Variants in CCDC171 observed in about 807,000 individuals in gnomAD.
The protein encoded by CCDC171 is coiled-coil domain containing 171.
CCDC171 carries 177 observed loss-of-function variants against 168.2 expected under a neutral mutation model. The ratio of observed to expected loss-of-function variants is 1.05; its 90% CI spans 0.93 to 1.19. The LOEUF is 1.19. Ranked by LOEUF, CCDC171 falls within the 50% of genes most tolerant of loss-of-function variation. The pLI, the probability that CCDC171 is intolerant of heterozygous loss-of-function variation, is 0.00. For missense variants in CCDC171, 1,991 were observed against 1,539.0 expected (o/e 1.29, Z -4.91); for synonymous variants, 687 against 540.8 (o/e 1.27, Z -3.75).
rs1215054615 is a variant in CCDC171 at position 15,563,297 on chromosome 9, C to G, written c.-111-681C>G. On this transcript the variant is annotated intron_variant, in intron 1 of 25. Coordinates refer to ENST00000380701, the MANE Select transcript of CCDC171 (RefSeq NM_173550.4). ...GGGATTACAGGCATGTGCCACCCCG[C>G]CTGGCTAATTTTATATTTTTAGTAG... is the stretch of plus-strand genomic sequence containing the variant. 3.3e-5 allele frequency among the ~76,000 whole-genome samples: 5 copies of G among 151,998 alleles called. No individual in the cohort carries two copies. The South Asian group carries it at 6.2e-4, about 19-fold the overall frequency.
chr9:15,678,874 A>C lies in CCDC171; in HGVS notation c.1193A>C (p.Glu398Ala). 6.3e-7 allele frequency: 1 copy of C among 1,588,538 alleles called. No homozygotes were observed. Among genetic ancestry groups the C allele is most frequent in the Non-Finnish European group, 8.5e-7 (1 of 1,171,422 alleles). The part of the protein sequence containing the change: ...RLQYNEKSCS[E>A]LQEELVMAKK... ...CAGTATAATGAAAAAAGTTGCAGTG[A>C]ATTACAGGAAGAACTAGTAATGGTA... The change falls in exon 10 of 26, where the codon GAA becomes GCA. Residue 398 changes from glutamate to alanine, a missense_variant. By Grantham distance (107) the Glu-to-Ala change is moderately radical. Transcript: ENST00000380701.
intron 16 of CCDC171, among the ~76,000 whole-genome samples, chr9:15,743,432 A>G (rs1280260655): frequency 6.6e-5 from 10 of 152,086 alleles, no homozygotes; most frequent in Non-Finnish European, 1.3e-4. Flanking sequence ...TCAGCCTCCC[A>G]AACACTGGGA....
intron 9 of CCDC171, among the ~76,000 whole-genome samples, chr9:15,677,348 G>A (rs974145846): frequency 6.6e-6 from 1 of 152,004 alleles, no homozygotes; most frequent in Non-Finnish European, 1.5e-5. Context: ...ATCTAAAGGA[G>A]AATATACAAA....
chr9:15,566,172 A>T (rs573392718), intron 2 of CCDC171, among the ~76,000 whole-genome samples: 1 of 151,286 alleles, frequency 6.6e-6, no homozygotes, highest in East Asian at 1.9e-4. Context: ...ATGTCTCTTC[A>T]GATCTGTTTA....
intron 25 of CCDC171, among the ~76,000 whole-genome samples, chr9:15,957,395 A>T (rs2132574223): frequency 6.6e-6 from 1 of 152,294 alleles, no homozygotes; most frequent in Non-Finnish European, 1.5e-5. Flanking sequence ...ACTGGAACAC[A>T]GTTAGGAAGC....
At chr9:15,839,092 C>A (rs2060568743) in intron 21 of CCDC171, among the ~76,000 whole-genome samples, 1 of 152,094 alleles carries the variant, frequency 6.6e-6, no homozygotes. Context: ...TACAATTCAT[C>A]ATTTCTTTAC....
At chr9:15,840,396 T>A in intron 21 of CCDC171, among the ~76,000 whole-genome samples, 1 of 152,084 alleles carries the variant, frequency 6.6e-6, no homozygotes. Context: ...ATTCAGCAAT[T>A]TTTTGGACCT....
At chr9:15,981,491 A>G (rs1831794225) in intron 3 of CCDC171, among the ~76,000 whole-genome samples, 1 of 152,194 alleles carries the variant, frequency 6.6e-6, no homozygotes. Context: ...CTGACTGAGC[A>G]TCTCAACTTC....
intron 23 of CCDC171, among the ~76,000 whole-genome samples, chr9:15,866,180 TGGAA>T (rs1208667162): frequency 6.6e-5 from 10 of 152,020 alleles, no homozygotes; most frequent in African/African-American, 2.4e-4. Flanking sequence ...GATCATATAA[TGGAA>T]GGAGTGGGGA....
chr9:16,012,649 C>T (rs1443903053), intron 3 of CCDC171, among the ~76,000 whole-genome samples: 1 of 151,124 alleles, frequency 6.6e-6, no homozygotes, highest in African/African-American at 2.4e-5. Context: ...TCCATGAATA[C>T]AATTTTGTAT....
At chr9:15,733,515 G>T in intron 16 of CCDC171, among the ~76,000 whole-genome samples, 1 of 147,066 alleles carries the variant, frequency 6.8e-6, no homozygotes, top group African/African-American at 2.5e-5. Context: ...GTCCATTCCA[G>T]TAACATTTAT....
chr9:15,844,559 A>G (rs1221895203), intron 21 of CCDC171, among the ~76,000 whole-genome samples: 1 of 151,974 alleles, frequency 6.6e-6, no homozygotes, highest in Non-Finnish European at 1.5e-5. Context: ...AAGTTATAAA[A>G]CTGTGATCTT....
intron 25 of CCDC171, among the ~76,000 whole-genome samples, chr9:15,937,681 A>C (rs1827260839): frequency 1.3e-5 from 2 of 152,026 alleles, no homozygotes. Flanking sequence ...TTTTGGAATA[A>C]AGTTTTGCTT....
intron 21 of CCDC171, among the ~76,000 whole-genome samples, chr9:15,810,595 G>C (rs536211554): frequency 2.0e-5 from 3 of 152,166 alleles, no homozygotes; most frequent in Admixed American, 6.5e-5. Context: ...CGGTGCGGGC[G>C]GGCCGGCAGT....
At chr9:15,794,337 C>A (rs1351341481) in intron 21 of CCDC171, among the ~76,000 whole-genome samples, 2 of 151,998 alleles carry the variant, frequency 1.3e-5, no homozygotes, top group Non-Finnish European at 2.9e-5. Context: ...TGTTGGTGGG[C>A]ACCTGCAATC....
chr9:15,581,203 A>G (rs1378350442), intron 4 of CCDC171, among the ~76,000 whole-genome samples: 1 of 152,198 alleles, frequency 6.6e-6, no homozygotes, highest in African/African-American at 2.4e-5. Flanking sequence ...AGAATAAAAT[A>G]CCTAGGAATC....
chr9:15,932,218 A>C (rs111629281), intron 25 of CCDC171, among the ~76,000 whole-genome samples: 258 of 151,990 alleles, frequency 1.7e-3, no homozygotes, highest in African/African-American at 6.0e-3. Flanking sequence ...CCATTTTAAC[A>C]ATATTAATTC....
intron 25 of CCDC171, among the ~76,000 whole-genome samples, chr9:15,961,609 C>G (rs1830337978): frequency 6.6e-6 from 1 of 152,074 alleles, no homozygotes; most frequent in South Asian, 2.1e-4. Context: ...AAAATCTTTT[C>G]CAAACATGAA....
intron 11 of CCDC171, among the ~76,000 whole-genome samples, chr9:15,719,991 C>T (rs7041115): frequency 0.27 from 4,110 of 15,232 alleles, 210 homozygotes; most frequent in Admixed American, 0.29. Flanking sequence ...GTACTGTCTC[C>T]TCTATTATCA....
Sources: allele counts gnomAD v4.1 joint callset (sites outside exome capture counted in the v4.1 genomes callset), GRCh38; gene constraint gnomAD v4.1.1; transcripts MANE v1.5; gene names NCBI Gene and HGNC (gene_info 2026-07-23, HGNC 2026-07-21).